Variants in CCBE1 observed in about 807,000 individuals in gnomAD.
CCBE1 encodes collagen and calcium-binding EGF domain-containing protein 1.
CCBE1 carries 37 observed loss-of-function variants against 50.0 expected under a neutral mutation model. The observed-to-expected ratio is 0.74, with a 90% CI of 0.57 to 0.97. CCBE1 has a LOEUF of 0.97. Among genes scored for constraint, CCBE1 ranks in the 50% least tolerant of loss-of-function variants. The pLI is 0.00. For missense variants in CCBE1, 538 were observed against 523.8 expected (o/e 1.03, Z -0.26); for synonymous variants, 234 against 203.7 (o/e 1.15, Z -1.27).
At chr18:59,551,930 A>T (rs2000894) in intron 2 of CCBE1, among the ~76,000 whole-genome samples, 15,780 of 152,182 alleles carry the variant, frequency 0.1, 1,115 homozygotes, top group East Asian at 0.34. Flanking sequence ...AGTGGCTGAA[A>T]ACCAGCACCC....
At chr18:59,448,229 G>C (rs1598908422) in intron 6 of CCBE1, 126 bp from the exon 7 acceptor site, 2 of 1,362,666 alleles carry the variant, frequency 1.5e-6, no homozygotes, top group Non-Finnish European at 2.0e-6. Flanking sequence ...ACTAGAGCTA[G>C]TTAGAGCTCA....
At chr18:59,496,418 A>G (rs1913358589) in intron 2 of CCBE1, among the ~76,000 whole-genome samples, 1 of 152,096 alleles carries the variant, frequency 6.6e-6, no homozygotes, top group Non-Finnish European at 1.5e-5. Flanking sequence ...AAGTGTCATA[A>G]TTTTCTCTTT....
intron 2 of CCBE1, among the ~76,000 whole-genome samples, chr18:59,676,447 T>A (rs1261381038): frequency 6.6e-6 from 1 of 152,216 alleles, no homozygotes; most frequent in Non-Finnish European, 1.5e-5. Flanking sequence ...CTTTTTCCTT[T>A]TCTCTTTCAA....
At chr18:59,601,803 T>C (rs1256351562) in intron 2 of CCBE1, among the ~76,000 whole-genome samples, 3 of 152,200 alleles carry the variant, frequency 2.0e-5, no homozygotes, top group Admixed American at 2.0e-4. Flanking sequence ...AGTGCATTCT[T>C]TTGTTGAGCC....
At chr18:59,544,349 C>T (rs1383900369) in intron 2 of CCBE1, among the ~76,000 whole-genome samples, 1 of 146,838 alleles carries the variant, frequency 6.8e-6, no homozygotes, top group Non-Finnish European at 1.5e-5. Context: ...TTGCTGTAGG[C>T]TTTTTATTAA....
intron 2 of CCBE1, among the ~76,000 whole-genome samples, chr18:59,543,015 T>C (rs553922458): frequency 1.3e-5 from 2 of 152,220 alleles, no homozygotes; most frequent in Non-Finnish European, 2.9e-5. Context: ...TTCTTAAAAA[T>C]TTTTAAAGTA....
intron 2 of CCBE1, among the ~76,000 whole-genome samples, chr18:59,587,217 C>T (rs2053191085): frequency 6.6e-6 from 1 of 152,154 alleles, no homozygotes; most frequent in Admixed American, 6.5e-5. Flanking sequence ...AGAAAGGAAG[C>T]TAATCTCAGT....
intron 2 of CCBE1, among the ~76,000 whole-genome samples, chr18:59,538,495 G>C (rs1249457347): frequency 6.6e-6 from 1 of 152,060 alleles, no homozygotes; most frequent in Non-Finnish European, 1.5e-5. Context: ...ATATTTTCTT[G>C]GCCATCTGAT....
At position 59,435,824 on chromosome 18, in the gene CCBE1, C is replaced by T. The variant is rs932737827; in HGVS notation, c.*84G>A. On this transcript the variant is annotated 3_prime_UTR_variant, in exon 11 of 11. Coordinates refer to ENST00000439986, the MANE Select transcript of CCBE1 (RefSeq NM_133459.4). The stretch of plus-strand genomic sequence containing the variant: ...AGAAAAATGTATGTTTTCTAGGTCT[C>T]CAGTGGTCTTTCTTCTCTTTAGATG... 2 of 1,166,508 alleles carry T rather than the reference C, an allele frequency of 1.7e-6. No homozygotes were observed. The highest frequency in any genetic ancestry group is 3.0e-5 in the African/African-American group (2 of 65,970). The allele number at this position is 1,166,508 out of a possible 1,614,324, so 72.3% of individuals were successfully genotyped here. A position where few individuals can be genotyped will look rare whatever the true frequency, so the allele number is the denominator to read the frequency against.
Position 59,469,525 on chromosome 18 carries a change from T to G in CCBE1, c.348A>C (p.Gly116=). 1 of 1,614,186 alleles carries G rather than the reference T, an allele frequency of 6.2e-7. No homozygotes were observed. ...FGRVLCTCYP[G]YRYDRERHRK... is the part of the protein sequence containing the mutation. ...GGTGTCTCTCCCGGTCATATCGGTA[T>G]CCCGGATAACAAGTACACAGCACTC... The change falls in exon 4 of 11, where the codon GGA becomes GGC. Residue 116 remains glycine, a synonymous_variant. Coordinates refer to ENST00000439986, the MANE Select transcript of CCBE1 (RefSeq NM_133459.4).
At chr18:59,691,186 T>A (rs3097400) in intron 2 of CCBE1, among the ~76,000 whole-genome samples, 126,425 of 152,232 alleles carry the variant, frequency 0.83, 53,271 homozygotes, top group Admixed American at 0.92. Flanking sequence ...AAATATGTAT[T>A]GAACAACCTC....
At chr18:59,556,589 G>A (rs1480935639) in intron 2 of CCBE1, among the ~76,000 whole-genome samples, 4 of 152,148 alleles carry the variant, frequency 2.6e-5, no homozygotes, top group East Asian at 1.9e-4. Context: ...AGAAGGGCAG[G>A]CAATGACCTG....
chr18:59,559,621 C>A (rs1347469152), intron 2 of CCBE1, among the ~76,000 whole-genome samples: 1 of 152,198 alleles, frequency 6.6e-6, no homozygotes, highest in African/African-American at 2.4e-5. Flanking sequence ...CAGAACTGGC[C>A]AAGGTCCTTG....
intron 2 of CCBE1, among the ~76,000 whole-genome samples, chr18:59,691,334 G>T (rs925006002): frequency 6.6e-6 from 1 of 152,222 alleles, no homozygotes; most frequent in Admixed American, 6.5e-5. Flanking sequence ...CATGCAAGGT[G>T]TGTCATTCAG....
chr18:59,552,138 TG>T, intron 2 of CCBE1, among the ~76,000 whole-genome samples: 1 of 152,206 alleles, frequency 6.6e-6, no homozygotes, highest in South Asian at 2.1e-4. Flanking sequence ...TAGTCTGGCC[TG>T]GACTTCCTCA....
chr18:59,662,521 T>C (rs2054298771), intron 2 of CCBE1, among the ~76,000 whole-genome samples: 1 of 152,196 alleles, frequency 6.6e-6, no homozygotes, highest in African/African-American at 2.4e-5. Flanking sequence ...ACAGGTTCCT[T>C]CCTCACTGCA....
At position 59,448,557 on chromosome 18, in the gene CCBE1, C is replaced by G. The variant is rs895005; in HGVS notation, c.655-454G>C. Among the ~76,000 whole-genome samples, 558 of 152,156 alleles carry G rather than the reference C, an allele frequency of 3.7e-3. 1 individual carries two copies. The highest frequency in any genetic ancestry group is 6.2e-3 in the Non-Finnish European group (425 of 68,008). Reference sequence around the variant, plus strand: ...CAGCCTTGGGAGTTAGGACCGAGAACATGGCTGACGGTTCCCCAGCACACT... The same window carrying G: ...CAGCCTTGGGAGTTAGGACCGAGAAGATGGCTGACGGTTCCCCAGCACACT... On this transcript the variant is annotated intron_variant, in intron 6 of 10. Coordinates refer to ENST00000439986, the MANE Select transcript of CCBE1 (RefSeq NM_133459.4).
At chr18:59,644,195 C>T (rs745546427) in intron 2 of CCBE1, among the ~76,000 whole-genome samples, 11 of 152,182 alleles carry the variant, frequency 7.2e-5, no homozygotes, top group Non-Finnish European at 1.0e-4. Context: ...TTCTCAACAG[C>T]GCTCCTGCCA....
At chr18:59,462,742 C>A (rs1911551763) in intron 5 of CCBE1, among the ~76,000 whole-genome samples, 1 of 151,972 alleles carries the variant, frequency 6.6e-6, no homozygotes, top group South Asian at 2.1e-4. Context: ...TAATTGTGAC[C>A]CCTTAGGAAG....
Sources: allele counts gnomAD v4.1 joint callset (sites outside exome capture counted in the v4.1 genomes callset), GRCh38; gene constraint gnomAD v4.1.1; transcripts MANE v1.5; gene names NCBI Gene and HGNC (gene_info 2026-07-23, HGNC 2026-07-21).